Variants in GCNT2 observed in about 807,000 individuals in gnomAD.
GCNT2 encodes the protein glucosaminyl (N-acetyl) transferase 2 (I blood group), also known as N-acetyllactosaminide beta-1,6-N-acetylglucosaminyl-transferase.
GCNT2 carries 34 observed loss-of-function variants against 34.2 expected under a neutral mutation model. That is an observed-to-expected ratio of 1.00 (90% CI 0.76 to 1.32). The LOEUF is 1.32. Among genes scored for constraint, GCNT2 ranks in the 40% most tolerant of loss-of-function variants. The pLI, the probability that GCNT2 is intolerant of heterozygous loss-of-function variation, is 0.00. For synonymous variants in GCNT2, 212 were observed against 188.0 expected (o/e 1.13, Z -1.04); for missense variants, 584 against 489.4 (o/e 1.19, Z -1.82).
intron 3 of GCNT2, among the ~76,000 whole-genome samples, chr6:10,551,244 C>T (rs1308043334): frequency 1.3e-5 from 2 of 152,044 alleles, no homozygotes; most frequent in South Asian, 2.1e-4. Context: ...TGCTTGGCAT[C>T]ATTCAGCATC....
In GCNT2 at chr6:10,557,493, C is replaced by T. The variant is rs532874246; in HGVS notation, c.925+27657C>T. ...TCCTTTCTAAATGCAGAAAGATGTT[C>T]TTTTTTTTTTTTGAGACTGGATCTC... On this transcript the variant is annotated intron_variant, in intron 3 of 4. Transcript: ENST00000495262. The T allele has an allele frequency of 9.5e-4, 525 of 553,946 alleles. 6 individuals are homozygous for T. In the South Asian group the frequency reaches 0.011, roughly 11 times the overall value. 34.3% of individuals were successfully genotyped at this position (553,946 alleles called of 1,614,324 possible). A position where few individuals can be genotyped will look rare whatever the true frequency, so the allele number is the denominator to read the frequency against.
At chr6:10,595,327 G>C (rs1356084730) in intron 3 of GCNT2, among the ~76,000 whole-genome samples, 1 of 151,832 alleles carries the variant, frequency 6.6e-6, no homozygotes, top group Non-Finnish European at 1.5e-5. Context: ...CCCCAGGCTG[G>C]AGTGCAGTGG....
chr6:10,615,255 A>G (rs549094993), intron 3 of GCNT2, among the ~76,000 whole-genome samples: 2 of 152,186 alleles, frequency 1.3e-5, no homozygotes, highest in South Asian at 4.1e-4. Context: ...ACACACAAGA[A>G]TCTTCTGGGG....
intron 3 of GCNT2, among the ~76,000 whole-genome samples, chr6:10,572,456 G>A (rs1763595385): frequency 6.6e-6 from 1 of 152,162 alleles, no homozygotes; most frequent in Non-Finnish European, 1.5e-5. Flanking sequence ...GGGCGCTGTG[G>A]CTCACGCCTG....
intron 4 of GCNT2, chr6:10,621,730 G>A: frequency 2.6e-6 from 1 of 388,036 alleles, no homozygotes; most frequent in Non-Finnish European, 4.9e-6. Flanking sequence ...TTTCTTTAGA[G>A]ACAGGGTTTC....
At chr6:10,524,338 C>T (rs1761085211) in intron 1 of GCNT2, among the ~76,000 whole-genome samples, 1 of 151,428 alleles carries the variant, frequency 6.6e-6, no homozygotes, top group South Asian at 2.1e-4. Context: ...GCAACCTTCG[C>T]CTCCCGGGGT....
chr6:10,598,712 C>T (rs986129338), intron 3 of GCNT2, among the ~76,000 whole-genome samples: 2 of 152,154 alleles, frequency 1.3e-5, no homozygotes, highest in Non-Finnish European at 1.5e-5. Flanking sequence ...TGCCCAGGGA[C>T]GCTGAGCTGG....
intron 4 of GCNT2, among the ~76,000 whole-genome samples, chr6:10,624,743 C>T (rs375272423): frequency 4.6e-5 from 7 of 152,300 alleles, no homozygotes; most frequent in South Asian, 4.1e-4. Context: ...TTTCATTGTT[C>T]CCTCCTGTTT....
At chr6:10,553,366 A>T (rs1762559817) in intron 3 of GCNT2, among the ~76,000 whole-genome samples, 1 of 152,180 alleles carries the variant, frequency 6.6e-6, no homozygotes, top group Non-Finnish European at 1.5e-5. Flanking sequence ...TTAGCCTGGC[A>T]TGTAGCAAAC....
chr6:10,598,173 T>C (rs1478170476), intron 3 of GCNT2, among the ~76,000 whole-genome samples: 1 of 152,188 alleles, frequency 6.6e-6, no homozygotes, highest in African/African-American at 2.4e-5. Flanking sequence ...GCAGAAGTAT[T>C]TGAGGCAGGC....
intron 3 of GCNT2, among the ~76,000 whole-genome samples, chr6:10,615,793 C>T (rs1029697273): frequency 3.9e-5 from 6 of 152,214 alleles, no homozygotes; most frequent in African/African-American, 1.2e-4. Flanking sequence ...TTATTACCCC[C>T]GTTTAGACCA....
At chr6:10,618,753 C>CT (rs5874285) in intron 3 of GCNT2, among the ~76,000 whole-genome samples, 90,797 of 152,032 alleles carry the variant, frequency 0.6, 27,169 homozygotes, top group East Asian at 0.66. Context: ...AGGTAGCTTC[C>CT]TTTAGATAGG....
At chr6:10,606,329 T>G (rs1034807973) in intron 3 of GCNT2, among the ~76,000 whole-genome samples, 2 of 152,124 alleles carry the variant, frequency 1.3e-5, no homozygotes, top group African/African-American at 4.8e-5. Context: ...GGTTTGCTAA[T>G]GTCCCATTGG....
chr6:10,606,269 C>G (rs1372541037), intron 3 of GCNT2, among the ~76,000 whole-genome samples: 1 of 152,174 alleles, frequency 6.6e-6, no homozygotes, highest in African/African-American at 2.4e-5. Context: ...GAGCCAAGAT[C>G]ACGCTATTGC....
intron 3 of GCNT2, among the ~76,000 whole-genome samples, chr6:10,562,312 C>G (rs749503096): frequency 6.6e-6 from 1 of 152,146 alleles, no homozygotes; most frequent in African/African-American, 2.4e-5. Context: ...AGAAGTAGCT[C>G]CAAGTGTACT....
chr6:10,591,792 G>C (rs1245484156), intron 3 of GCNT2, among the ~76,000 whole-genome samples: 4 of 152,206 alleles, frequency 2.6e-5, no homozygotes, highest in Admixed American at 2.6e-4. Context: ...AAGAATATGA[G>C]AGGCTAAGAA....
At chr6:10,563,234 G>C (rs534967926) in intron 3 of GCNT2, among the ~76,000 whole-genome samples, 79 of 152,276 alleles carry the variant, frequency 5.2e-4, no homozygotes, top group African/African-American at 1.9e-3. Context: ...GGGTGTGTGA[G>C]TGGATACAAC....
At chr6:10,553,723 G>A (rs56078224) in intron 3 of GCNT2, among the ~76,000 whole-genome samples, 4,924 of 152,124 alleles carry the variant, frequency 0.032, 171 homozygotes, top group African/African-American at 0.08. Flanking sequence ...GCGAAATCCC[G>A]TCTCTTCTAC....
intron 3 of GCNT2, among the ~76,000 whole-genome samples, chr6:10,546,984 G>T (rs917749618): frequency 1.3e-5 from 2 of 151,726 alleles, no homozygotes; most frequent in East Asian, 1.9e-4. Flanking sequence ...ATGATTTTAT[G>T]TCCTACCTTA....
Sources: allele counts gnomAD v4.1 joint callset (sites outside exome capture counted in the v4.1 genomes callset), GRCh38; gene constraint gnomAD v4.1.1; transcripts MANE v1.5; gene names NCBI Gene and HGNC (gene_info 2026-07-23, HGNC 2026-07-21).